Variants in FCN2 observed in about 807,000 individuals in gnomAD.
The protein encoded by FCN2 is ficolin 2.
In FCN2, 31 loss-of-function variants were observed where a neutral mutation model predicts 32.5. The observed-to-expected ratio is 0.96, with a 90% CI of 0.72 to 1.29. The LOEUF is 1.29. Among genes scored for constraint, FCN2 ranks in the 50% most tolerant of loss-of-function variants. The pLI is 0.00. For synonymous variants in FCN2, 181 were observed against 164.5 expected (o/e 1.10, Z -0.77); for missense variants, 412 against 406.5 (o/e 1.01, Z -0.12).
At chr9:134,883,463 CA>C in intron 3 of FCN2, 108 bp downstream of exon 3, 1 of 993,472 alleles carries the variant, frequency 1.0e-6, no homozygotes, top group Non-Finnish European at 1.6e-6. Context: ...TCGCCAGAGC[CA>C]ACGCCTGCCC....
chr9:134,877,620 C>T, upstream of FCN2, among the ~76,000 whole-genome samples: 1 of 152,204 alleles, frequency 6.6e-6, no homozygotes, highest in African/African-American at 2.4e-5. Flanking sequence ...CTGCTGTCTG[C>T]TACAAGAGTC....
At chr9:134,882,115 C>T (rs996778827) in intron 1 of FCN2, among the ~76,000 whole-genome samples, 7 of 152,158 alleles carry the variant, frequency 4.6e-5, no homozygotes, top group African/African-American at 9.7e-5. Flanking sequence ...TGAGAACAGA[C>T]GAGATTAGGA....
chr9:134,885,739 C>G, intron 5 of FCN2, 29 bp from the exon 6 acceptor site: 1 of 1,613,782 alleles, frequency 6.2e-7, no homozygotes. Context: ...CCTGGCCCCC[C>G]CGGCTCCTGT....
chr9:134,866,923 A>C, the FCN2 span, among the ~76,000 whole-genome samples: 1 of 134,762 alleles, frequency 7.4e-6, no homozygotes, highest in Non-Finnish European at 1.6e-5. Flanking sequence ...AGAAATGCAA[A>C]TCAAAACCAC....
At chr9:134,869,637 G>T in the FCN2 span, among the ~76,000 whole-genome samples, 1 of 152,196 alleles carries the variant, frequency 6.6e-6, no homozygotes, top group Non-Finnish European at 1.5e-5. Context: ...TTCTCTGCTC[G>T]ACTCAACTCT....
the FCN2 span, among the ~76,000 whole-genome samples, chr9:134,874,203 A>G: frequency 2.0e-5 from 3 of 152,206 alleles, no homozygotes; most frequent in African/African-American, 4.8e-5. Context: ...GTTAGGAGCC[A>G]CTGTGCCCAG....
Position 134,886,509 on chromosome 9 carries a change from C to T in FCN2, c.639C>T (p.Ala213=), listed in dbSNP as rs375401670. ...CTAAGTACAGATCATTCAAGGTGGC[C>T]GACGAGGCGGAGAAGTACAATCTGG... The part of the protein sequence containing the change: ...QFAKYRSFKV[A]DEAEKYNLVL... The change falls in exon 7 of 8, where the codon GCC becomes GCT. Residue 213 remains alanine (A), a synonymous_variant. Coordinates refer to ENST00000291744, the MANE Select transcript of FCN2 (RefSeq NM_004108.3). The T allele has an allele frequency of 1.9e-5, 31 of 1,613,980 alleles. No individual in the cohort carries two copies. The highest frequency in any genetic ancestry group is 5.0e-5 in the Admixed American group (3 of 59,992).
At chr9:134,877,422 G>A (rs1254120162), upstream of FCN2, among the ~76,000 whole-genome samples, 1 of 152,060 alleles carries the variant, frequency 6.6e-6, no homozygotes, top group African/African-American at 2.4e-5. Flanking sequence ...ATGTTATTTA[G>A]TATCCAAATA....
At chr9:134,881,577 G>C (rs1316708561) in intron 1 of FCN2, among the ~76,000 whole-genome samples, 1 of 152,182 alleles carries the variant, frequency 6.6e-6, no homozygotes, top group Non-Finnish European at 1.5e-5. Context: ...GTCTACCCGG[G>C]GCTGGGATGC....
At position 134,882,584 on chromosome 9, in the gene FCN2, G is replaced by C; in HGVS notation, c.159G>C (p.Pro53=). ...SDKLTILRGC[P]GLPGAPGPKG... is the part of the protein sequence containing the mutation. ...AGCTCACCATTCTCCGAGGCTGTCCGGGGCTGCCTGGGGCCCCTGGGCCCA... is the reference window on the plus strand; with the variant it reads ...AGCTCACCATTCTCCGAGGCTGTCCCGGGCTGCCTGGGGCCCCTGGGCCCA... Residue 53 remains proline (P), a synonymous_variant, in exon 2 of 8, where the codon CCG becomes CCC. Transcript: ENST00000291744. 6.2e-7 allele frequency: 1 copy of C among 1,614,166 alleles called. No homozygotes were observed. The highest frequency in any genetic ancestry group is 8.5e-7 in the Non-Finnish European group (1 of 1,180,028).
upstream of FCN2, among the ~76,000 whole-genome samples, chr9:134,878,758 G>A (rs1021090151): frequency 2.0e-5 from 3 of 152,042 alleles, no homozygotes; most frequent in Admixed American, 6.5e-5. Context: ...CAGGAGAATC[G>A]CTTGAACCCA....
At chr9:134,884,695 G>C (rs1481775992) in intron 3 of FCN2, 45 bp from the exon 4 acceptor site, 1 of 1,605,834 alleles carries the variant, frequency 6.2e-7, no homozygotes. Context: ...GAAGGGCTCT[G>C]ATTTCCAAAC....
chr9:134,868,653 C>A, the FCN2 span, among the ~76,000 whole-genome samples: 1 of 152,236 alleles, frequency 6.6e-6, no homozygotes, highest in Non-Finnish European at 1.5e-5. This position sits in a 1 kb window ranked among gnomAD's most constrained non-coding sequence, Gnocchi z 4.3. Flanking sequence ...CAGCATCCAG[C>A]CCCCTGCCTC....
At chr9:134,867,178 G>A in the FCN2 span, among the ~76,000 whole-genome samples, 2 of 115,788 alleles carry the variant, frequency 1.7e-5, no homozygotes, top group African/African-American at 3.6e-5. Flanking sequence ...CTGCTATAAA[G>A]ACACATGCAC....
At position 134,887,270 on chromosome 9, in the gene FCN2, G is replaced by T. The variant is rs764147743; in HGVS notation, c.797G>T (p.Trp266Leu). 6.2e-7 allele frequency: 1 copy of T among 1,614,218 alleles called. No individual in the cohort carries two copies. The highest frequency in any genetic ancestry group is 8.5e-7 in the Non-Finnish European group (1 of 1,180,036). Residue 266 changes from tryptophan (W) to leucine (L), a missense_variant, in exon 8 of 8, where the codon TGG becomes TTG. Trp to Leu is a moderately conservative substitution (Grantham distance 61). Transcript: ENST00000291744. ...NCAVMFQGAW[W>L]YKNCHVSNLN... ...GCTGTGATGTTTCAGGGAGCTTGGT[G>T]GTACAAAAACTGCCATGTGTCAAAC...
At chr9:134,864,449 C>T in the FCN2 span, among the ~76,000 whole-genome samples, 1 of 152,190 alleles carries the variant, frequency 6.6e-6, no homozygotes, top group Non-Finnish European at 1.5e-5. Context: ...GTTGGTGCCA[C>T]CAAGCCTTCG....
At chr9:134,886,393 G>T in intron 6 of FCN2, 37 bp from the exon 7 acceptor site, 1 of 1,613,596 alleles carries the variant, frequency 6.2e-7, no homozygotes, top group Non-Finnish European at 8.5e-7. Context: ...AAGGTAGAGA[G>T]CCCTTCCGCT....
chr9:134,869,947 GC>G, the FCN2 span, among the ~76,000 whole-genome samples: 3 of 151,834 alleles, frequency 2.0e-5, no homozygotes, highest in Admixed American at 1.3e-4. Context: ...GGAGGGGGGG[GC>G]CCACAAATTC....
chr9:134,876,800 A>G (rs779093332), upstream of FCN2, among the ~76,000 whole-genome samples: 9 of 152,134 alleles, frequency 5.9e-5, no homozygotes, highest in Non-Finnish European at 1.2e-4. Context: ...CTGGTCTCGA[A>G]CTGACTTCAG....
Sources: allele counts gnomAD v4.1 joint callset (sites outside exome capture counted in the v4.1 genomes callset), GRCh38; gene constraint gnomAD v4.1.1; non-coding constraint Gnocchi (gnomAD v3.1); transcripts MANE v1.5; gene names NCBI Gene and HGNC (gene_info 2026-07-23, HGNC 2026-07-21).